The following CDH8 variants were observed in gnomAD, a reference collection of about 807,000 sequenced individuals.
CDH8 encodes the protein cadherin-8.
CDH8 carries 17 observed loss-of-function variants against 68.1 expected under a neutral mutation model. The ratio of observed to expected loss-of-function variants is 0.25; its 90% CI spans 0.17 to 0.37. CDH8 has a LOEUF of 0.37. Among genes scored for constraint, CDH8 ranks in the 10% least tolerant of loss-of-function variants. The pLI is 1.00. For missense variants in CDH8, 763 were observed against 999.3 expected (o/e 0.76, Z 3.19); for synonymous variants, 372 against 365.1 (o/e 1.02, Z -0.21).
chr16:61,801,642 T>A (rs964725855), intron 7 of CDH8, among the ~76,000 whole-genome samples: 20 of 152,180 alleles, frequency 1.3e-4, no homozygotes, highest in Non-Finnish European at 2.6e-4. Context: ...GGCGAGGCAT[T>A]GCCTCACCTG....
At chr16:61,860,030 C>A (rs1484549614) in intron 3 of CDH8, among the ~76,000 whole-genome samples, 1 of 152,022 alleles carries the variant, frequency 6.6e-6, no homozygotes, top group East Asian at 1.9e-4. Context: ...TTTTAGTAGA[C>A]ACGTTTTTCA....
chr16:61,904,453 A>G (rs1016078428), intron 2 of CDH8, among the ~76,000 whole-genome samples: 5 of 152,186 alleles, frequency 3.3e-5, no homozygotes, highest in African/African-American at 1.2e-4. Context: ...GGGATCCCCA[A>G]TTTCTAGGCC....
At chr16:61,738,788 C>A (rs1462542392) in intron 8 of CDH8, among the ~76,000 whole-genome samples, 1 of 151,944 alleles carries the variant, frequency 6.6e-6, no homozygotes, top group African/African-American at 2.4e-5. Flanking sequence ...CAAATGTCAT[C>A]TTTTTTGTTT....
chr16:61,808,908 A>C (rs778809306), intron 7 of CDH8, among the ~76,000 whole-genome samples: 25 of 152,200 alleles, frequency 1.6e-4, no homozygotes, highest in Non-Finnish European at 3.5e-4. Context: ...TTACTAGACC[A>C]GGCGCAGTGG....
intron 7 of CDH8, among the ~76,000 whole-genome samples, chr16:61,816,055 T>C (rs926798235): frequency 3.3e-5 from 5 of 152,268 alleles, no homozygotes; most frequent in African/African-American, 1.2e-4. Context: ...CATATGTCTA[T>C]AGTTTGTGAA....
intron 4 of CDH8, among the ~76,000 whole-genome samples, chr16:61,848,684 C>T (rs947392683): frequency 6.6e-6 from 1 of 152,028 alleles, no homozygotes; most frequent in Non-Finnish European, 1.5e-5. Flanking sequence ...AGAAGGATGA[C>T]ATTTGTTGGG....
chr16:62,004,908 A>C (rs1965948753), intron 2 of CDH8, among the ~76,000 whole-genome samples: 1 of 152,220 alleles, frequency 6.6e-6, no homozygotes, highest in African/African-American at 2.4e-5. Context: ...TATAAAATTT[A>C]AAAGAGAAAG....
Position 61,820,960 on chromosome 16 carries a change from G to A in CDH8, c.989C>T (p.Ala330Val). The change falls in exon 6 of 12, where the codon GCC becomes GTC. Residue 330 changes from alanine (A) to valine (V), a missense_variant. Around this residue, in one of 2 missense-constraint regions of CDH8, gnomAD observed 366 missense variants for 563.1 expected, o/e 0.65. Transcript: ENST00000577390. Reference sequence around the variant, plus strand: ...CCTTATAATGCCATCCTGGGCCTGGGCATCAGAAGTGATTTCAAAAAGTGC... The same window carrying A: ...CCTTATAATGCCATCCTGGGCCTGGACATCAGAAGTGATTTCAAAAAGTGC... Reference protein sequence around the residue: ...GTALFEITSDAQAQDGIIRLR... With the variant: ...GTALFEITSDVQAQDGIIRLR... 1.2e-6 allele frequency: 2 copies of A among 1,612,210 alleles called. No homozygotes were observed. The highest frequency in any genetic ancestry group is 1.7e-6 in the Non-Finnish European group (2 of 1,178,818).
chr16:61,958,103 G>T (rs1965016583), intron 2 of CDH8, among the ~76,000 whole-genome samples: 1 of 152,148 alleles, frequency 6.6e-6, no homozygotes. Flanking sequence ...TATATCTTGT[G>T]GGAGAGGGGG....
At chr16:61,950,457 G>T (rs1964876143) in intron 2 of CDH8, among the ~76,000 whole-genome samples, 1 of 152,182 alleles carries the variant, frequency 6.6e-6, no homozygotes, top group Non-Finnish European at 1.5e-5. Flanking sequence ...TGATTTGAGT[G>T]CAGAGTAGCA....
At chr16:61,950,634 C>T (rs2143581829) in intron 2 of CDH8, among the ~76,000 whole-genome samples, 1 of 152,036 alleles carries the variant, frequency 6.6e-6, no homozygotes, top group South Asian at 2.1e-4. Flanking sequence ...TCTTATTTTC[C>T]CCCCAAAACC....
intron 10 of CDH8, among the ~76,000 whole-genome samples, chr16:61,665,805 TTTCCC>T (rs754538823): frequency 0.058 from 5,576 of 96,484 alleles, 136 homozygotes; most frequent in Non-Finnish European, 0.071. Context: ...CCTTCCTTCC[TTTCCC>T]TCCTTCCTTC....
At position 61,650,536 on chromosome 16, in the gene CDH8, A is replaced by G. The variant is rs775862933; in HGVS notation, c.*3072T>C. On this transcript the variant is annotated 3_prime_UTR_variant, in exon 12 of 12. Transcript: ENST00000577390. ...ATAAAGTTTTTAAAATGTGTTATTT[A>G]ACAAATTGAGCATGGGATACTTAAA... 1 of 152,158 alleles carries G rather than the reference A, an allele frequency of 6.6e-6. No homozygotes were observed. Among genetic ancestry groups the G allele is most frequent in the Non-Finnish European group, 1.5e-5 (1 of 68,032 alleles). The allele number at this position is 152,158 out of a possible 1,614,324, so 9.4% of individuals were successfully genotyped here.
intron 7 of CDH8, among the ~76,000 whole-genome samples, chr16:61,793,584 C>G (rs1280935384): frequency 6.6e-6 from 1 of 152,044 alleles, no homozygotes; most frequent in Non-Finnish European, 1.5e-5. Flanking sequence ...GACATGATCT[C>G]ATTCTTTTTT....
chr16:61,708,394 C>T (rs984617485), intron 10 of CDH8, among the ~76,000 whole-genome samples: 15 of 152,286 alleles, frequency 9.8e-5, no homozygotes, highest in African/African-American at 3.6e-4. Flanking sequence ...ATACCCACAG[C>T]AGTGCTATGT....
chr16:61,688,839 A>G (rs1156814583), intron 10 of CDH8, among the ~76,000 whole-genome samples: 1 of 151,982 alleles, frequency 6.6e-6, no homozygotes, highest in African/African-American at 2.4e-5. Context: ...CTTCAAAGCG[A>G]TGTTTTCAAT....
intron 3 of CDH8, among the ~76,000 whole-genome samples, chr16:61,861,946 T>G (rs995053995): frequency 1.3e-5 from 2 of 152,194 alleles, no homozygotes; most frequent in Admixed American, 6.5e-5. Context: ...TTTTACAATT[T>G]TAGATGGTAG....
intron 8 of CDH8, among the ~76,000 whole-genome samples, chr16:61,782,332 G>T (rs1020005473): frequency 2.6e-5 from 4 of 152,104 alleles, no homozygotes; most frequent in African/African-American, 9.7e-5. Flanking sequence ...GGTGACGGAC[G>T]CACCTGGAAA....
At position 61,647,458 on chromosome 16, in the gene CDH8, C is replaced by T. The variant is rs555572447; in HGVS notation, c.*6150G>A. On this transcript the variant is annotated 3_prime_UTR_variant, in exon 12 of 12. Transcript: ENST00000577390. Reference sequence around the variant, plus strand: ...CATATTTGTAGTTAAAGCAGAGTAACGTTGGAAAGGTGGGGGGGGTGATCC... The same window carrying T: ...CATATTTGTAGTTAAAGCAGAGTAATGTTGGAAAGGTGGGGGGGGTGATCC... 23 of 125,576 alleles carry T rather than the reference C, an allele frequency of 1.8e-4. No individual in the cohort carries two copies. The highest frequency in any genetic ancestry group is 3.9e-4 in the African/African-American group (5 of 12,678). The allele number at this position is 125,576 out of a possible 1,614,324, so 7.8% of individuals were successfully genotyped here.
Sources: allele counts gnomAD v4.1 joint callset (sites outside exome capture counted in the v4.1 genomes callset), GRCh38; gene constraint gnomAD v4.1.1; regional missense constraint gnomAD v4.1.1; transcripts MANE v1.5; gene names NCBI Gene and HGNC (gene_info 2026-07-23, HGNC 2026-07-21).